TP53BP2: variants seen among roughly 807,000 people sequenced by gnomAD.
TP53BP2 encodes tumor protein p53 binding protein 2.
Under a neutral mutation model 126.2 loss-of-function variants are expected in TP53BP2, and 62 were observed. The ratio of observed to expected loss-of-function variants is 0.49; its 90% confidence interval spans 0.40 to 0.61. The LOEUF is 0.61. Among genes scored for constraint, TP53BP2 ranks in the 20% least tolerant of loss-of-function variants. TP53BP2 has a pLI of 0.00. For synonymous variants in TP53BP2, 485 were observed against 502.9 expected (o/e 0.96, Z 0.48); for missense variants, 1,215 against 1,402.8 (o/e 0.87, Z 2.14).
intron 15 of TP53BP2, among the ~76,000 whole-genome samples, chr1:223,791,194 G>A (rs769117231): frequency 2.0e-5 from 3 of 151,938 alleles, no homozygotes; most frequent in Non-Finnish European, 2.9e-5. Context: ...TGAAAGGCTC[G>A]GGCAGGAGGA....
chr1:223,786,570 G>T (rs1661962750), intron 16 of TP53BP2, among the ~76,000 whole-genome samples: 1 of 132,608 alleles, frequency 7.5e-6, no homozygotes, highest in African/African-American at 3.2e-5. Context: ...ATGTGTGTGT[G>T]TGCGTGTGTG....
intron 1 of TP53BP2, among the ~76,000 whole-genome samples, chr1:223,822,284 A>T (rs897800056): frequency 1.3e-5 from 2 of 152,186 alleles, no homozygotes; most frequent in Non-Finnish European, 2.9e-5. Context: ...TTCATTAACA[A>T]AGTATAAGTA....
At chr1:223,822,705 T>G (rs60739082) in intron 1 of TP53BP2, among the ~76,000 whole-genome samples, 40,849 of 151,474 alleles carry the variant, frequency 0.27, 7,462 homozygotes, top group African/African-American at 0.52. Context: ...TTGACAATCT[T>G]TCTCCTAGTA....
intron 1 of TP53BP2, chr1:223,834,985 A>C (rs917275886): frequency 2.6e-6 from 1 of 384,482 alleles, no homozygotes; most frequent in Non-Finnish European, 3.6e-6. Flanking sequence ...TCCTCCTCCT[A>C]CATTATAACT....
intron 17 of TP53BP2, 148 bp downstream of exon 17, chr1:223,783,967 G>A: frequency 5.6e-6 from 4 of 720,308 alleles, no homozygotes. Flanking sequence ...TGAAAATGAG[G>A]CTTTAAGTCT....
At chr1:223,825,612 CCTG>C (rs1334252163) in intron 1 of TP53BP2, among the ~76,000 whole-genome samples, 3 of 152,198 alleles carry the variant, frequency 2.0e-5, no homozygotes, top group Non-Finnish European at 4.4e-5. Flanking sequence ...CAGCTTACAT[CCTG>C]CTACCATCAT....
chr1:223,814,183 C>T, intron 3 of TP53BP2, 57 bp downstream of exon 3: 1 of 1,324,548 alleles, frequency 7.5e-7, no homozygotes, highest in Non-Finnish European at 1.1e-6. Context: ...CCACCTACTA[C>T]TCCCAGCACA....
chr1:223,833,448 A>G (rs995758713), intron 1 of TP53BP2, among the ~76,000 whole-genome samples: 1 of 152,238 alleles, frequency 6.6e-6, no homozygotes, highest in Non-Finnish European at 1.5e-5. Flanking sequence ...TCAGGCATGG[A>G]CTATCCTGAC....
intron 3 of TP53BP2, among the ~76,000 whole-genome samples, chr1:223,811,830 T>C (rs1662916281): frequency 6.6e-6 from 1 of 152,222 alleles, no homozygotes; most frequent in Non-Finnish European, 1.5e-5. Flanking sequence ...TATGTGGCAC[T>C]GGTGTTTTGT....
At chr1:223,802,594 T>C (rs2102853292) in intron 8 of TP53BP2, 137 bp downstream of exon 8, 1 of 1,127,864 alleles carries the variant, frequency 8.9e-7, no homozygotes, top group East Asian at 2.4e-5. Context: ...GGATTGTCTT[T>C]TAAGGATCCA....
intron 15 of TP53BP2, among the ~76,000 whole-genome samples, chr1:223,791,567 TG>T (rs1262415737): frequency 2.0e-5 from 3 of 152,222 alleles, no homozygotes; most frequent in African/African-American, 7.2e-5. Flanking sequence ...CGAGGCTAAC[TG>T]AAATGTATGT....
At chr1:223,820,637 G>A (rs922238302) in intron 2 of TP53BP2, among the ~76,000 whole-genome samples, 1 of 152,100 alleles carries the variant, frequency 6.6e-6, no homozygotes, top group Non-Finnish European at 1.5e-5. Flanking sequence ...CCCCAGAGGT[G>A]AAAAAGGAAA....
intron 3 of TP53BP2, among the ~76,000 whole-genome samples, chr1:223,811,554 A>G (rs558305368): frequency 1.3e-5 from 2 of 152,344 alleles, no homozygotes; most frequent in Admixed American, 1.3e-4. Context: ...CTATAATTTC[A>G]GAATAATTGC....
chr1:223,790,129 G>A (rs971583118), intron 15 of TP53BP2, among the ~76,000 whole-genome samples: 4 of 151,764 alleles, frequency 2.6e-5, no homozygotes, highest in South Asian at 2.1e-4. Flanking sequence ...AAAATTAGCC[G>A]GGTGTGTAAT....
intron 2 of TP53BP2, among the ~76,000 whole-genome samples, chr1:223,815,329 T>A (rs576327404): frequency 6.6e-6 from 1 of 152,292 alleles, no homozygotes; most frequent in South Asian, 2.1e-4. Flanking sequence ...TCCAGTAACA[T>A]AACATACTGA....
At chr1:223,813,912 T>C (rs558317493) in intron 3 of TP53BP2, among the ~76,000 whole-genome samples, 102 of 152,330 alleles carry the variant, frequency 6.7e-4, no homozygotes, top group Non-Finnish European at 1.2e-3. Flanking sequence ...CACAGTTTTA[T>C]TTCTGTCCTG....
intron 1 of TP53BP2, among the ~76,000 whole-genome samples, chr1:223,833,978 C>A (rs991901076): frequency 3.3e-5 from 5 of 152,124 alleles, no homozygotes; most frequent in Admixed American, 6.6e-5. Flanking sequence ...GTGAAGGGGA[C>A]TTTTGAGCTG....
intron 1 of TP53BP2, chr1:223,825,937 C>T (rs1663481014): frequency 6.6e-6 from 1 of 152,532 alleles, no homozygotes; most frequent in Non-Finnish European, 1.5e-5. Flanking sequence ...CCTCCTAAGG[C>T]ACAAAGCAGG....
chr1:223,798,445 G>A lies in TP53BP2; in HGVS notation c.1718C>T (p.Thr573Ile), dbSNP rs755205441. The A allele has an allele frequency of 1.2e-6, 2 of 1,614,180 alleles. No homozygotes were observed. The highest frequency in any genetic ancestry group is 1.1e-5 in the South Asian group (1 of 91,086). Residue 573 changes from threonine (T) to isoleucine (I), a missense_variant, in exon 12 of 18, where the codon ACC becomes ATC. Thr to Ile is a moderately conservative substitution (Grantham distance 89, BLOSUM62 -1). Transcript: ENST00000343537. The stretch of plus-strand genomic sequence containing the variant: ...TTCTTGCTTAGAACCTGGAGAAAGG[G>A]TCTGGTCTTGGCCAACCGAAGGTAT... ...PSIPSVGQDQ[T>I]LSPGSKQESP...
Sources: allele counts gnomAD v4.1 joint callset (sites outside exome capture counted in the v4.1 genomes callset), GRCh38; gene constraint gnomAD v4.1.1; transcripts MANE v1.5; gene names NCBI Gene and HGNC (gene_info 2026-07-23, HGNC 2026-07-21).